Variants in MAGI3 observed in about 807,000 individuals in gnomAD.
The protein encoded by MAGI3 is membrane associated guanylate kinase, WW and PDZ domain containing 3.
Under a neutral mutation model 121.8 loss-of-function variants are expected in MAGI3, and 43 were observed. The ratio of observed to expected loss-of-function variants is 0.35; its 90% CI spans 0.28 to 0.46. The LOEUF (loss-of-function observed/expected upper bound fraction) is 0.46. Among genes scored for constraint, MAGI3 ranks in the 20% least tolerant of loss-of-function variants. The probability of loss-of-function intolerance (pLI) is 1.00; values close to 1 mark genes in which losing one functional copy is unlikely to be tolerated. For missense variants in MAGI3, 1,547 were observed against 1,797.3 expected (o/e 0.86, Z 2.52); for synonymous variants, 553 against 639.3 (o/e 0.86, Z 2.04).
At chr1:113,605,440 C>T (rs1649696852) in intron 6 of MAGI3, among the ~76,000 whole-genome samples, 1 of 152,088 alleles carries the variant, frequency 6.6e-6, no homozygotes, top group East Asian at 1.9e-4. Flanking sequence ...ACAGGCAAAA[C>T]TCATGTGTGG....
intron 1 of MAGI3, among the ~76,000 whole-genome samples, chr1:113,414,630 A>AT (rs1470566677): frequency 7.9e-5 from 12 of 151,672 alleles, no homozygotes; most frequent in South Asian, 6.2e-4. Flanking sequence ...GAATTTATCT[A>AT]TTTTTTCTAG....
intron 1 of MAGI3, among the ~76,000 whole-genome samples, chr1:113,463,110 A>G (rs987139549): frequency 7.2e-5 from 11 of 152,106 alleles, no homozygotes; most frequent in Non-Finnish European, 1.6e-4. Context: ...AATTTAAAAA[A>G]CAAATCTCCA....
At chr1:113,395,190 A>G (rs1479682791) in intron 1 of MAGI3, among the ~76,000 whole-genome samples, 1 of 141,270 alleles carries the variant, frequency 7.1e-6, no homozygotes, top group Non-Finnish European at 1.5e-5. Flanking sequence ...AGGTAAGAGA[A>G]TTTAGAGTTA....
chr1:113,464,815 T>C (rs906906904), intron 1 of MAGI3, among the ~76,000 whole-genome samples: 4 of 152,284 alleles, frequency 2.6e-5, no homozygotes, highest in African/African-American at 4.8e-5. Flanking sequence ...AATGTCTGTT[T>C]AGATCTTTTG....
intron 2 of MAGI3, among the ~76,000 whole-genome samples, chr1:113,554,214 G>A (rs969310266): frequency 6.6e-6 from 1 of 152,014 alleles, no homozygotes; most frequent in African/African-American, 2.4e-5. Context: ...TTAGTTATTA[G>A]AAATATGCTC....
chr1:113,509,251 G>A lies in MAGI3; in HGVS notation c.317-40264G>A, dbSNP rs575175827. On this transcript the variant is annotated intron_variant, in intron 1 of 20. Coordinates refer to ENST00000307546, the MANE Select transcript of MAGI3 (RefSeq NM_001142782.2). ...CCCCACTAACAACCCTAAAATGAAT[G>A]ACTCCGTAGTTATTTTTACCTTCTT... Among the ~76,000 whole-genome samples, 20 of 151,872 alleles carry A rather than the reference G, an allele frequency of 1.3e-4. No homozygotes were observed. The East Asian group carries it at 3.5e-3, about 26-fold the overall frequency.
At chr1:113,650,528 T>A (rs1653100799) in intron 13 of MAGI3, among the ~76,000 whole-genome samples, 1 of 152,218 alleles carries the variant, frequency 6.6e-6, no homozygotes, top group Non-Finnish European at 1.5e-5. Context: ...CCCGCTGAGA[T>A]TTAGAAACAA....
chr1:113,614,989 G>C (rs182134224), intron 7 of MAGI3, among the ~76,000 whole-genome samples: 1 of 152,242 alleles, frequency 6.6e-6, no homozygotes, highest in East Asian at 1.9e-4. Flanking sequence ...AATTATCAAG[G>C]TCATTTCCAA....
At chr1:113,653,759 G>A in intron 14 of MAGI3, 71 bp from the exon 15 acceptor site, 2 of 1,324,030 alleles carry the variant, frequency 1.5e-6, no homozygotes, top group South Asian at 3.1e-5. Context: ...GAGAGGCTTA[G>A]CATAAAAACA....
Position 113,585,379 on chromosome 1 carries a change from C to T in MAGI3, c.554-8C>T, listed in dbSNP as rs770457738. ...TAGTAATTTCAGCTGCTATTTTATT[C>T]ACTTCAGGAAACTTCTATGGAACTC... On this transcript the variant is annotated splice_region_variant and splice_polypyrimidine_tract_variant and intron_variant, in intron 3 of 20. Coordinates refer to ENST00000307546, the MANE Select transcript of MAGI3 (RefSeq NM_001142782.2). 1 of 1,612,718 alleles carries T rather than the reference C, an allele frequency of 6.2e-7. No homozygotes were observed. The highest frequency in any genetic ancestry group is 2.2e-5 in the East Asian group (1 of 44,878).
intron 1 of MAGI3, among the ~76,000 whole-genome samples, chr1:113,512,045 G>A (rs1657641611): frequency 6.6e-6 from 1 of 152,054 alleles, no homozygotes; most frequent in Non-Finnish European, 1.5e-5. Context: ...GTTCTTTAAG[G>A]GGGAAAAGAC....
At chr1:113,462,346 G>T (rs1557769857) in intron 1 of MAGI3, among the ~76,000 whole-genome samples, 1 of 152,190 alleles carries the variant, frequency 6.6e-6, no homozygotes, top group Non-Finnish European at 1.5e-5. Flanking sequence ...TAAAGAAAAT[G>T]TGGCACCTAA....
At chr1:113,668,569 C>CTTTTT (rs370302032) in intron 16 of MAGI3, among the ~76,000 whole-genome samples, 42 of 94,852 alleles carry the variant, frequency 4.4e-4, no homozygotes, top group South Asian at 8.8e-4. Flanking sequence ...AAACATGTAA[C>CTTTTT]TTTTTTTTTT....
intron 1 of MAGI3, among the ~76,000 whole-genome samples, chr1:113,468,030 T>G (rs1655371100): frequency 6.6e-6 from 1 of 152,238 alleles, no homozygotes; most frequent in Non-Finnish European, 1.5e-5. Flanking sequence ...CTGATATAAG[T>G]ATAGCTATTC....
At chr1:113,428,697 CAT>C (rs1384818926) in intron 1 of MAGI3, among the ~76,000 whole-genome samples, 1 of 152,130 alleles carries the variant, frequency 6.6e-6, no homozygotes, top group Non-Finnish European at 1.5e-5. Flanking sequence ...AGATATTTTA[CAT>C]GTTTTGGTAC....
chr1:113,449,431 GA>G (rs1257220627), intron 1 of MAGI3, among the ~76,000 whole-genome samples: 1 of 150,708 alleles, frequency 6.6e-6, no homozygotes, highest in Non-Finnish European at 1.5e-5. Flanking sequence ...GTAATATTAA[GA>G]AAAAACAAAT....
At chr1:113,578,129 C>T (rs974517603) in intron 2 of MAGI3, among the ~76,000 whole-genome samples, 2 of 152,168 alleles carry the variant, frequency 1.3e-5, no homozygotes, top group African/African-American at 4.8e-5. Flanking sequence ...TGGGGCCTTG[C>T]TGCTTTTTGT....
intron 1 of MAGI3, among the ~76,000 whole-genome samples, chr1:113,465,637 T>C (rs1206688558): frequency 6.6e-6 from 1 of 152,168 alleles, no homozygotes; most frequent in Non-Finnish European, 1.5e-5. Flanking sequence ...TCAATAAACA[T>C]GGAATATCTT....
chr1:113,524,632 A>T (rs1384324266), intron 1 of MAGI3, among the ~76,000 whole-genome samples: 1 of 152,018 alleles, frequency 6.6e-6, no homozygotes, highest in Non-Finnish European at 1.5e-5. Context: ...CAATGCCTGT[A>T]TCCCCATTGT....
Sources: allele counts gnomAD v4.1 joint callset (sites outside exome capture counted in the v4.1 genomes callset), GRCh38; gene constraint gnomAD v4.1.1; transcripts MANE v1.5; gene names NCBI Gene and HGNC (gene_info 2026-07-23, HGNC 2026-07-21).